Variants in ZSWIM5 observed in about 807,000 individuals in gnomAD.
The protein encoded by ZSWIM5 is zinc finger SWIM-type containing 5, also known as zinc finger SWIM domain-containing protein 5.
ZSWIM5 carries 55 observed loss-of-function variants against 119.6 expected under a neutral mutation model. That is an observed-to-expected ratio of 0.46 (90% CI 0.37 to 0.58). The LOEUF is 0.58. Ranked by LOEUF, ZSWIM5 falls within the 20% of genes least tolerant of loss-of-function variation. The pLI is 0.00. For missense variants in ZSWIM5, 1,193 were observed against 1,512.8 expected (o/e 0.79, Z 3.51); for synonymous variants, 537 against 606.9 (o/e 0.88, Z 1.69).
intron 1 of ZSWIM5, among the ~76,000 whole-genome samples, chr1:45,121,594 TTC>T (rs1491330229): frequency 7.5e-5 from 11 of 147,422 alleles, no homozygotes; most frequent in African/African-American, 1.6e-4. Context: ...ATCTTTTTTT[TTC>T]TTCTTCTTTT....
At chr1:45,096,802 C>T (rs529375856) in intron 1 of ZSWIM5, among the ~76,000 whole-genome samples, 12 of 152,166 alleles carry the variant, frequency 7.9e-5, no homozygotes, top group East Asian at 1.9e-4. Context: ...AAAATTGTAC[C>T]GCAGCTGCTT....
chr1:45,027,102 CTTTT>C (rs1171121260), intron 11 of ZSWIM5, among the ~76,000 whole-genome samples: 1 of 137,022 alleles, frequency 7.3e-6, no homozygotes, highest in Admixed American at 7.3e-5. Context: ...TAGATCTCCT[CTTTT>C]TTTTTTTTCG....
intron 1 of ZSWIM5, among the ~76,000 whole-genome samples, chr1:45,144,978 T>C (rs1216165379): frequency 6.6e-6 from 1 of 151,994 alleles, no homozygotes; most frequent in Non-Finnish European, 1.5e-5. Context: ...AATAAGAATA[T>C]GAACAAGTCA....
intron 1 of ZSWIM5, among the ~76,000 whole-genome samples, chr1:45,197,513 T>C (rs1646133662): frequency 1.3e-5 from 2 of 152,234 alleles, no homozygotes; most frequent in African/African-American, 4.8e-5. Context: ...ATTCCATCTG[T>C]ATGGATATAC....
At chr1:45,078,308 C>A (rs1409284813) in intron 2 of ZSWIM5, among the ~76,000 whole-genome samples, 1 of 152,236 alleles carries the variant, frequency 6.6e-6, no homozygotes, top group African/African-American at 2.4e-5. Flanking sequence ...CCCGCAACAC[C>A]TGTCCTTCTT....
chr1:45,076,916 A>G (rs905383697), intron 2 of ZSWIM5, among the ~76,000 whole-genome samples: 22 of 151,888 alleles, frequency 1.4e-4, no homozygotes, highest in African/African-American at 5.1e-4. Flanking sequence ...CTGTATGCCA[A>G]TTGCATTTTT....
chr1:45,196,600 T>C (rs1177847484), intron 1 of ZSWIM5, among the ~76,000 whole-genome samples: 3 of 149,758 alleles, frequency 2.0e-5, no homozygotes, highest in South Asian at 4.3e-4. Context: ...CCATGTTAGC[T>C]AGGATGGTCT....
chr1:45,021,844 A>G (rs1256460146), intron 11 of ZSWIM5, among the ~76,000 whole-genome samples: 1 of 151,802 alleles, frequency 6.6e-6, no homozygotes, highest in Non-Finnish European at 1.5e-5. Context: ...ACATGGTGAA[A>G]CCCCGTCTCT....
intron 11 of ZSWIM5, among the ~76,000 whole-genome samples, chr1:45,022,630 A>C (rs1644895098): frequency 1.3e-5 from 2 of 152,202 alleles, no homozygotes; most frequent in South Asian, 4.1e-4. Flanking sequence ...GAGTAGTTTC[A>C]GGTTTACAGG....
At chr1:45,182,647 A>G (rs1646028880) in intron 1 of ZSWIM5, among the ~76,000 whole-genome samples, 1 of 152,152 alleles carries the variant, frequency 6.6e-6, no homozygotes, top group Admixed American at 6.5e-5. Flanking sequence ...CAAAAGAGAC[A>G]AAGAAGTCCA....
chr1:45,070,477 A>G (rs906429094), intron 2 of ZSWIM5: 4 of 952,900 alleles, frequency 4.2e-6, no homozygotes, highest in African/African-American at 3.3e-5. Context: ...ATGTTCCAAC[A>G]ATTCTATTGA....
intron 4 of ZSWIM5, among the ~76,000 whole-genome samples, chr1:45,053,314 CAGA>C (rs1375342604): frequency 2.0e-5 from 3 of 152,040 alleles, no homozygotes; most frequent in Non-Finnish European, 4.4e-5. Context: ...CTGGCAACTT[CAGA>C]AGAACTCTGG....
chr1:45,170,070 TA>T (rs1216890302), intron 1 of ZSWIM5, among the ~76,000 whole-genome samples: 1 of 152,144 alleles, frequency 6.6e-6, no homozygotes, highest in Non-Finnish European at 1.5e-5. Flanking sequence ...AATAATGCCT[TA>T]TTATAGCCTA....
In ZSWIM5 at chr1:45,018,892, A is replaced by G. The variant is rs1342476799; in HGVS notation, c.3120T>C (p.Asn1040=). 5.6e-6 allele frequency: 9 copies of G among 1,614,250 alleles called. No individual in the cohort carries two copies. Among genetic ancestry groups the G allele is most frequent in the Non-Finnish European group, 7.6e-6 (9 of 1,180,036 alleles). The change falls in exon 14 of 14, where the codon AAT becomes AAC. Residue 1040 remains asparagine (N), a synonymous_variant. Transcript: ENST00000359600. This position sits in a 1 kb window ranked among gnomAD's most constrained non-coding sequence, Gnocchi z 6.7. ...TGAGAGCACAAGCCCAGAGCACATC[A>G]TTGATGGCTGGGTGAGTATCCTGGT... The part of the protein sequence containing the change: ...AYNQDTHPAI[N]DVLWACALSH...
intron 2 of ZSWIM5, among the ~76,000 whole-genome samples, chr1:45,084,422 T>C (rs768873973): frequency 6.6e-6 from 1 of 152,138 alleles, no homozygotes; most frequent in Non-Finnish European, 1.5e-5. Flanking sequence ...CCTTCTCACA[T>C]TGCAAAATAC....
At chr1:45,025,652 T>G (rs1386678693) in intron 11 of ZSWIM5, among the ~76,000 whole-genome samples, 1 of 152,242 alleles carries the variant, frequency 6.6e-6, no homozygotes, top group Non-Finnish European at 1.5e-5. Context: ...TTGAATTTTG[T>G]ATATTAATCT....
intron 7 of ZSWIM5, 48 bp downstream of exon 7, chr1:45,040,344 T>G (rs201906023): frequency 6.6e-7 from 1 of 1,509,364 alleles, no homozygotes; most frequent in African/African-American, 1.4e-5. Context: ...CTGAGGATCC[T>G]CATCAGCTTT....
In ZSWIM5 at chr1:45,096,535, A is replaced by AACACACAC. The variant is rs370564289; in HGVS notation, c.596-8306_596-8299dup. Among the ~76,000 whole-genome samples the AACACACAC allele has an allele frequency of 8.6e-3, 1,207 of 140,434 alleles. 16 individuals carry two copies. The highest frequency in any genetic ancestry group is 0.03 in the African/African-American group (1,115 of 36,976). The allele number at this position is 140,434 out of a possible 152,430, so 92.1% of individuals were successfully genotyped here. A position where few individuals can be genotyped will look rare whatever the true frequency, so the allele number is the denominator to read the frequency against. On this transcript the variant is annotated intron_variant, in intron 1 of 13. Transcript: ENST00000359600. ...CAGCTGCTTGCCTTGTGGCCCTATCAACACACACACACACACACGCACACA... is the reference window on the plus strand; with the variant it reads ...CAGCTGCTTGCCTTGTGGCCCTATCAACACACACACACACACACACACACACGCACACA...
intron 2 of ZSWIM5, among the ~76,000 whole-genome samples, chr1:45,076,134 T>C (rs1645255328): frequency 6.6e-6 from 1 of 152,206 alleles, no homozygotes; most frequent in Non-Finnish European, 1.5e-5. Context: ...GTCTTTCTAC[T>C]TAAGAGTAGT....
Sources: gnomAD v4.1 joint callset for allele counts (sites outside exome capture counted in the v4.1 genomes callset) on GRCh38, gnomAD v4.1.1 for gene constraint, Gnocchi (gnomAD v3.1) non-coding constraint, MANE v1.5 for transcripts, NCBI Gene and HGNC (gene_info 2026-07-23, HGNC 2026-07-21) for gene names.